Variants in ARHGAP21 observed in about 807,000 individuals in gnomAD.
ARHGAP21 encodes the protein rho GTPase-activating protein 21.
Under a neutral mutation model 164.6 loss-of-function variants are expected in ARHGAP21, and 38 were observed. That is an observed-to-expected ratio of 0.23 (90% CI 0.18 to 0.30). The LOEUF (loss-of-function observed/expected upper bound fraction) is 0.30, where lower values mean the gene tolerates loss of function less well. Ranked by LOEUF, ARHGAP21 falls within the 10% of genes least tolerant of loss-of-function variation. The pLI is 1.00. For synonymous variants in ARHGAP21, 766 were observed against 857.9 expected (o/e 0.89, Z 1.87); for missense variants, 1,822 against 2,370.7 (o/e 0.77, Z 4.81).
intron 2 of ARHGAP21, among the ~76,000 whole-genome samples, chr10:24,705,612 G>A (rs778426349): frequency 6.6e-6 from 1 of 152,172 alleles, no homozygotes; most frequent in Non-Finnish European, 1.5e-5. Context: ...GTTGGGGCTG[G>A]GGCAAGCATG....
At chr10:24,588,895 C>T (rs1418514172) in intron 25 of ARHGAP21, among the ~76,000 whole-genome samples, 1 of 152,106 alleles carries the variant, frequency 6.6e-6, no homozygotes. Context: ...GGGAGGGAAG[C>T]AGGTGGCGTA....
At chr10:24,587,459 A>C (rs984597661) in intron 25 of ARHGAP21, among the ~76,000 whole-genome samples, 5 of 146,438 alleles carry the variant, frequency 3.4e-5, no homozygotes, top group Non-Finnish European at 7.8e-5. Context: ...TTAAAGTCTT[A>C]AAGTAAAAAT....
Position 24,596,241 on chromosome 10 carries a change from C to T in ARHGAP21, c.3478-198G>A, listed in dbSNP as rs951417482. ...AGACAGTAAGAAGAGAACAAAGAGA[C>T]TGAAAGAAAGAGAGGGACCCCCAGA... On this transcript the variant is annotated intron_variant, in intron 17 of 25. Transcript: ENST00000396432. The T allele has an allele frequency of 5.4e-5, 26 of 477,570 alleles. 1 individual carries two copies. The highest frequency in any genetic ancestry group is 3.8e-4 in the East Asian group (11 of 28,794). The allele number at this position is 477,570 out of a possible 1,614,324, so 29.6% of individuals were successfully genotyped here. A position where few individuals can be genotyped will look rare whatever the true frequency, so the allele number is the denominator to read the frequency against.
At chr10:24,595,640 T>A in intron 19 of ARHGAP21, 77 bp downstream of exon 19, 1 of 1,426,960 alleles carries the variant, frequency 7.0e-7, no homozygotes, top group East Asian at 2.3e-5. Flanking sequence ...TTTGTCCTTG[T>A]TCAATTTAAT....
At chr10:24,676,563 G>A (rs187139005) in intron 2 of ARHGAP21, among the ~76,000 whole-genome samples, 33 of 152,214 alleles carry the variant, frequency 2.2e-4, no homozygotes, top group Non-Finnish European at 2.8e-4. Context: ...GGATGAGGGT[G>A]GAAAATTACC....
chr10:24,637,295 C>T (rs1836480223), intron 4 of ARHGAP21, among the ~76,000 whole-genome samples: 2 of 152,194 alleles, frequency 1.3e-5, no homozygotes, highest in Non-Finnish European at 2.9e-5. Flanking sequence ...AAAATGCAAA[C>T]GCTGAATTCC....
intron 7 of ARHGAP21, among the ~76,000 whole-genome samples, chr10:24,625,297 G>GAGCAAAAAAAAAAAAAAAAAAAAAAAAAA (rs1565045749): frequency 4.1e-5 from 1 of 24,670 alleles, no homozygotes; most frequent in African/African-American, 1.3e-4. Context: ...AAATGAAACA[G>GAGCAAAAAAAAAAAAAAAAAAAAAAAAAA]AGAAAAAAAA....
intron 2 of ARHGAP21, among the ~76,000 whole-genome samples, chr10:24,699,470 G>A (rs1200967605): frequency 6.6e-6 from 1 of 151,802 alleles, no homozygotes; most frequent in Non-Finnish European, 1.5e-5. Flanking sequence ...GATTACAGGC[G>A]CCTGCCACCA....
rs928902315 is a variant in ARHGAP21, at chr10:24,636,622, T to C, written c.269-1519A>G. Among the ~76,000 whole-genome samples the C allele has an allele frequency of 2.6e-5, 4 of 152,192 alleles. No homozygotes were observed. The East Asian group carries it at 5.8e-4, about 22-fold the overall frequency. ...AAAACTGAATTGTTACCATAGTGTA[T>C]GCACCAAGATGGCTTAAAGGAAGTT... On this transcript the variant is annotated intron_variant, in intron 4 of 25. Transcript: ENST00000396432.
intron 4 of ARHGAP21, among the ~76,000 whole-genome samples, chr10:24,666,137 C>A (rs1289683593): frequency 6.6e-6 from 1 of 152,224 alleles, no homozygotes; most frequent in East Asian, 1.9e-4. Context: ...TCACGCCATT[C>A]TCCTGCCTCA....
Position 24,586,111 on chromosome 10 carries a change from G to A in ARHGAP21, c.4183-5C>T. 1 of 1,563,766 alleles carries A rather than the reference G, an allele frequency of 6.4e-7. No homozygotes were observed. Among genetic ancestry groups the A allele is most frequent in the Non-Finnish European group, 8.6e-7 (1 of 1,160,352 alleles). On this transcript the variant is annotated splice_polypyrimidine_tract_variant and splice_region_variant and intron_variant, in intron 25 of 25. Transcript: ENST00000396432. Reference sequence around the variant, plus strand: ...CTTTCCAGATCCCCAAGAACCCTGGGAAGCAAGAGAGAAGAAAGACTCTGA... The same window carrying A: ...CTTTCCAGATCCCCAAGAACCCTGGAAAGCAAGAGAGAAGAAAGACTCTGA...
intron 4 of ARHGAP21, among the ~76,000 whole-genome samples, chr10:24,645,477 G>C (rs1045656897): frequency 6.6e-6 from 1 of 151,942 alleles, no homozygotes; most frequent in East Asian, 1.9e-4. Flanking sequence ...CCAGCTACTA[G>C]GGAGGCTAAG....
chr10:24,656,228 C>T (rs1441057098), intron 4 of ARHGAP21, among the ~76,000 whole-genome samples: 4 of 136,990 alleles, frequency 2.9e-5, no homozygotes, highest in Non-Finnish European at 6.3e-5. Flanking sequence ...GGTCATCCCC[C>T]CGCCCGGCCA....
chr10:24,590,978 G>GCATGCT (rs1473623330), intron 24 of ARHGAP21: 4 of 914,282 alleles, frequency 4.4e-6, no homozygotes, highest in Non-Finnish European at 5.2e-6. Flanking sequence ...ACAGTGGTTT[G>GCATGCT]CATGCTCATT....
At chr10:24,604,542 ACTTT>A (rs535701099) in intron 11 of ARHGAP21, among the ~76,000 whole-genome samples, 194 bp from the exon 12 acceptor site, 96 of 152,282 alleles carry the variant, frequency 6.3e-4, no homozygotes, top group African/African-American at 2.1e-3. Context: ...AATAATTAAA[ACTTT>A]CTTAATTGAT....
chr10:24,621,233 G>A lies in ARHGAP21; in HGVS notation c.662C>T (p.Ser221Phe). Reference protein sequence around the residue: ...PSAMAQPVEISPPDSSLSKQQ... With the variant: ...PSAMAQPVEIFPPDSSLSKQQ... Reference sequence around the variant, plus strand: ...TTTGCTCAATGATGAGTCAGGAGGAGATATTTCAACTGGCTGTGCCATGGC... The same window carrying A: ...TTTGCTCAATGATGAGTCAGGAGGAAATATTTCAACTGGCTGTGCCATGGC... The change falls in exon 9 of 26, where the codon TCT becomes TTT. Residue 221 changes from serine to phenylalanine, a missense_variant. Coordinates refer to ENST00000396432, the MANE Select transcript of ARHGAP21 (RefSeq NM_020824.4). 1 of 1,613,930 alleles carries A rather than the reference G, an allele frequency of 6.2e-7. No homozygotes were observed. The highest frequency in any genetic ancestry group is 8.5e-7 in the Non-Finnish European group (1 of 1,179,872).
intron 7 of ARHGAP21, among the ~76,000 whole-genome samples, chr10:24,625,300 A>AAAAAAAAAAAAAAAAAAAAAAAAAC (rs1835022757): frequency 1.8e-5 from 1 of 54,342 alleles, no homozygotes; most frequent in Non-Finnish European, 3.7e-5. Context: ...TGAAACAGAG[A>AAAAAAAAAAAAAAAAAAAAAAAAAC]AAAAAAAAAA....
Position 24,628,952 on chromosome 10 carries a change from C to CTATATATATATATA in ARHGAP21, c.495+1030_495+1043dup, listed in dbSNP as rs71397962. On this transcript the variant is annotated intron_variant, in intron 7 of 25. Transcript: ENST00000396432. ...ACATACATATATATACACACACACA[C>CTATATATATATATA]TATATATATATATATATATATATAT... 125 of 13,742 alleles carry CTATATATATATATA rather than the reference C, an allele frequency of 9.1e-3. 2 individuals carry two copies. Among genetic ancestry groups the CTATATATATATATA allele is most frequent in the African/African-American group, 0.011 (28 of 2,570 alleles). 0.9% of individuals were successfully genotyped at this position (13,742 alleles called of 1,614,324 possible). A position where few individuals can be genotyped will look rare whatever the true frequency, so the allele number is the denominator to read the frequency against.
intron 2 of ARHGAP21, among the ~76,000 whole-genome samples, chr10:24,675,379 A>T (rs1841113805): frequency 6.6e-6 from 1 of 152,116 alleles, no homozygotes; most frequent in Non-Finnish European, 1.5e-5. Flanking sequence ...AATTCTAAAT[A>T]CTGGTCTATA....
Sources: allele counts gnomAD v4.1 joint callset (sites outside exome capture counted in the v4.1 genomes callset), GRCh38; gene constraint gnomAD v4.1.1; transcripts MANE v1.5; gene names NCBI Gene and HGNC (gene_info 2026-07-23, HGNC 2026-07-21).